KMT2C: variants seen among roughly 807,000 people sequenced by gnomAD.
KMT2C encodes the protein histone-lysine N-methyltransferase 2C.
Under a neutral mutation model 507.9 loss-of-function variants are expected in KMT2C, and 88 were observed. The observed-to-expected ratio is 0.17, with a 90% CI of 0.15 to 0.21. KMT2C has a LOEUF of 0.21. Among genes scored for constraint, KMT2C ranks in the 10% least tolerant of loss-of-function variants. The pLI is 1.00. For missense variants in KMT2C, 4,954 were observed against 5,957.8 expected (o/e 0.83, Z 5.55); for synonymous variants, 2,049 against 2,080.8 (o/e 0.98, Z 0.42).
At chr7:152,277,520 A>C (rs2096105727) in intron 6 of KMT2C, among the ~76,000 whole-genome samples, 2 of 152,188 alleles carry the variant, frequency 1.3e-5, no homozygotes, top group Non-Finnish European at 2.9e-5. Flanking sequence ...AGGAACCTAA[A>C]ACCGAAAGAG....
rs1407175170 is a variant in KMT2C, at chr7:152,325,466, GTTTTT to G, written c.389+5130_389+5134del. On this transcript the variant is annotated intron_variant, in intron 3 of 58. Coordinates refer to ENST00000262189, the MANE Select transcript of KMT2C (RefSeq NM_170606.3). ...CCCGGCCCCTTTTCTTTTTATGTGT[GTTTTT>G]TTTTTTTGAGACAGGGTCTCACTAT... Among the ~76,000 whole-genome samples, 3 of 136,472 alleles carry G rather than the reference GTTTTT, an allele frequency of 2.2e-5. No individual in the cohort carries two copies. The East Asian group carries it at 6.5e-4, about 29-fold the overall frequency. The allele number at this position is 136,472 out of a possible 152,430, so 89.5% of individuals were successfully genotyped here.
intron 52 of KMT2C, among the ~76,000 whole-genome samples, chr7:152,147,411 C>T (rs1211530190): frequency 3.3e-5 from 5 of 152,112 alleles, no homozygotes; most frequent in East Asian, 1.9e-4. Flanking sequence ...CTGCCAGGTA[C>T]GGTGGCTCAC....
At chr7:152,355,817 T>C (rs919636827) in intron 2 of KMT2C, among the ~76,000 whole-genome samples, 1 of 152,154 alleles carries the variant, frequency 6.6e-6, no homozygotes, top group African/African-American at 2.4e-5. Flanking sequence ...TAGGTATAAA[T>C]AACTCAAGGA....
At chr7:152,370,283 A>G (rs959878192) in intron 1 of KMT2C, among the ~76,000 whole-genome samples, 2 of 152,218 alleles carry the variant, frequency 1.3e-5, no homozygotes, top group Non-Finnish European at 2.9e-5. Context: ...ACCAATTCAT[A>G]GGAAATGACA....
chr7:152,163,859 T>C lies in KMT2C; in HGVS notation c.9751-33A>G, dbSNP rs376240863. On this transcript the variant is annotated intron_variant, in intron 42 of 58. Coordinates refer to ENST00000262189, the MANE Select transcript of KMT2C (RefSeq NM_170606.3). The stretch of plus-strand genomic sequence containing the variant: ...AACAAAATGCATCATTACTCATTTC[T>C]ATACAGCATAGGTACTGAAGTAAAA... The C allele has an allele frequency of 1.3e-5, 21 of 1,586,462 alleles. No individual in the cohort carries two copies. In the East Asian group the frequency reaches 3.6e-4, roughly 27 times the overall value.
chr7:152,423,458 G>A (rs939240162), intron 1 of KMT2C, among the ~76,000 whole-genome samples: 17 of 152,214 alleles, frequency 1.1e-4, no homozygotes, highest in African/African-American at 3.9e-4. Flanking sequence ...TTCAAAGGAG[G>A]AGGCTGTGTG....
chr7:152,160,585 C>T (rs1014334651), intron 43 of KMT2C, among the ~76,000 whole-genome samples: 1 of 150,918 alleles, frequency 6.6e-6, no homozygotes, highest in African/African-American at 2.4e-5. Flanking sequence ...AAGGACTGCA[C>T]TCTGAGTGGC....
rs368411073 is a variant in KMT2C at position 152,163,644 on chromosome 7, A to C, written c.9933T>G (p.Leu3311=). ...QPTFPMVPQQ[L]QHQQHTTVIS... Reference sequence around the variant, plus strand: ...TAACTGTTGTGTGCTGCTGGTGCTGAAGCTGCTGTGGCACCATGGGAAAGG... The same window carrying C: ...TAACTGTTGTGTGCTGCTGGTGCTGCAGCTGCTGTGGCACCATGGGAAAGG... The change falls in exon 43 of 59, where the codon CTT becomes CTG. Residue 3311 remains leucine, a synonymous_variant. Coordinates refer to ENST00000262189, the MANE Select transcript of KMT2C (RefSeq NM_170606.3). 4.3e-6 allele frequency: 7 copies of C among 1,612,878 alleles called. No homozygotes were observed. The highest frequency in any genetic ancestry group is 5.9e-6 in the Non-Finnish European group (7 of 1,179,252).
At chr7:152,187,113 G>C in intron 33 of KMT2C, 149 bp downstream of exon 33, 1 of 644,254 alleles carries the variant, frequency 1.6e-6, no homozygotes, top group Non-Finnish European at 2.7e-6. Context: ...TAAAATGCAA[G>C]ATGTTTCTAG....
intron 3 of KMT2C, among the ~76,000 whole-genome samples, chr7:152,318,343 C>T (rs959527961): frequency 6.6e-6 from 1 of 152,074 alleles, no homozygotes; most frequent in Admixed American, 6.5e-5. Context: ...GTGGCACACA[C>T]CTGTAATCCC....
chr7:152,184,767 T>C (rs891618349), intron 34 of KMT2C, among the ~76,000 whole-genome samples: 2 of 152,208 alleles, frequency 1.3e-5, no homozygotes, highest in Non-Finnish European at 2.9e-5. Flanking sequence ...TCCTCCTGTA[T>C]ACTTTCTCCC....
At chr7:152,219,432 C>T (rs1472172373) in intron 23 of KMT2C, among the ~76,000 whole-genome samples, 2 of 151,990 alleles carry the variant, frequency 1.3e-5, no homozygotes, top group African/African-American at 4.8e-5. Context: ...ATCTGACATA[C>T]AGTAGATATT....
intron 6 of KMT2C, among the ~76,000 whole-genome samples, chr7:152,306,051 T>C (rs185534152): frequency 1.1e-4 from 16 of 152,338 alleles, no homozygotes; most frequent in Non-Finnish European, 1.9e-4. Flanking sequence ...GTGTAAATAT[T>C]AAAAAACATG....
chr7:152,386,799 G>A (rs1262379709), intron 1 of KMT2C, among the ~76,000 whole-genome samples: 2 of 152,216 alleles, frequency 1.3e-5, no homozygotes, highest in African/African-American at 4.8e-5. Flanking sequence ...TTCAACAGTT[G>A]AGGAAACTGA....
At chr7:152,185,200 T>C (rs2093588174) in intron 34 of KMT2C, among the ~76,000 whole-genome samples, 1 of 152,134 alleles carries the variant, frequency 6.6e-6, no homozygotes, top group South Asian at 2.1e-4. Flanking sequence ...TTTTCCAAAA[T>C]ATTTTTGATC....
intron 3 of KMT2C, among the ~76,000 whole-genome samples, chr7:152,325,171 G>A (rs2096815344): frequency 6.6e-6 from 1 of 151,424 alleles, no homozygotes; most frequent in African/African-American, 2.4e-5. Context: ...CTTTTTTTGA[G>A]ATGCAGTTTC....
intron 15 of KMT2C, 64 bp downstream of exon 15, chr7:152,238,643 C>T (rs1588488183): frequency 2.0e-6 from 3 of 1,520,724 alleles, no homozygotes; most frequent in Non-Finnish European, 2.6e-6. Context: ...TAATTCTTAA[C>T]ATCCAGTAGG....
At position 152,153,013 on chromosome 7, in the gene KMT2C, G is replaced by C. The variant is rs1005766848; in HGVS notation, c.12277-59C>G. ...CAGAAGGCAACAGTGAACCACTGAA[G>C]AAAAATACACACTTAGGATAAATCC... On this transcript the variant is annotated intron_variant, in intron 48 of 58. Coordinates refer to ENST00000262189, the MANE Select transcript of KMT2C (RefSeq NM_170606.3). The C allele has an allele frequency of 8.2e-6, 13 of 1,581,104 alleles. No homozygotes were observed. In the Admixed American group the frequency reaches 2.2e-4, roughly 27 times the overall value.
intron 9 of KMT2C, among the ~76,000 whole-genome samples, chr7:152,258,674 C>T (rs1004074519): frequency 4.6e-5 from 7 of 151,962 alleles, no homozygotes; most frequent in African/African-American, 1.7e-4. Flanking sequence ...ACATGGCACC[C>T]ACTATCATGC....
Sources: allele counts gnomAD v4.1 joint callset (sites outside exome capture counted in the v4.1 genomes callset), GRCh38; gene constraint gnomAD v4.1.1; transcripts MANE v1.5; gene names NCBI Gene and HGNC (gene_info 2026-07-23, HGNC 2026-07-21).